Variants in GRID1 observed in about 807,000 individuals in gnomAD.
The protein encoded by GRID1 is glutamate receptor ionotropic, delta-1.
In GRID1, 28 loss-of-function variants were observed where a neutral mutation model predicts 98.0. The ratio of observed to expected loss-of-function variants is 0.29; its 90% confidence interval spans 0.21 to 0.39. The LOEUF (loss-of-function observed/expected upper bound fraction) is 0.39, where lower values mean the gene tolerates loss of function less well. Ranked by LOEUF, GRID1 falls within the 10% of genes least tolerant of loss-of-function variation. GRID1 has a pLI of 1.00. For synonymous variants in GRID1, 553 were observed against 538.5 expected (o/e 1.03, Z -0.37); for missense variants, 1,111 against 1,340.5 (o/e 0.83, Z 2.67).
rs114151000 is a variant in GRID1 at position 85,860,222 on chromosome 10, G to A, written c.952-4032C>T. Among the ~76,000 whole-genome samples the A allele has an allele frequency of 2.5e-3, 377 of 152,328 alleles. 3 individuals are homozygous for A. Among genetic ancestry groups the A allele is most frequent in the African/African-American group, 8.8e-3 (367 of 41,568 alleles). On this transcript the variant is annotated intron_variant, in intron 6 of 15. Coordinates refer to ENST00000327946, the MANE Select transcript of GRID1 (RefSeq NM_017551.3). ...GAGTCCATTAGCAAAGGTAAGGCAA[G>A]CAAGCAGATGCTGTCACTATTTAAA...
At chr10:86,073,332 G>T (rs1250692215) in intron 4 of GRID1, among the ~76,000 whole-genome samples, 1 of 152,200 alleles carries the variant, frequency 6.6e-6, no homozygotes, top group African/African-American at 2.4e-5. Flanking sequence ...GCAGCAGGGG[G>T]ACTGGTGTTT....
At chr10:85,652,761 C>T (rs1840839882) in intron 12 of GRID1, among the ~76,000 whole-genome samples, 1 of 152,128 alleles carries the variant, frequency 6.6e-6, no homozygotes, top group African/African-American at 2.4e-5. Flanking sequence ...TCCCCAGCGC[C>T]CCCCAGCCTC....
intron 12 of GRID1, among the ~76,000 whole-genome samples, chr10:85,652,831 C>A (rs772373869): frequency 6.6e-6 from 1 of 152,090 alleles, no homozygotes; most frequent in Non-Finnish European, 1.5e-5. Flanking sequence ...TTCATTCACT[C>A]GTCATTCAAA....
rs1848657035 is a variant in GRID1 at position 86,365,096 on chromosome 10, G to C, written c.80-1000C>G. Among the ~76,000 whole-genome samples the C allele has an allele frequency of 6.6e-6, 1 of 152,038 alleles. No homozygotes were observed. The highest frequency in any genetic ancestry group is 1.5e-5 in the Non-Finnish European group (1 of 67,986). On this transcript the variant is annotated intron_variant, in intron 1 of 15. Transcript: ENST00000327946. This position sits in a 1 kb window ranked among gnomAD's most constrained non-coding sequence, Gnocchi z 4.8. ...GGCTGGGTAGGAGGAGGGAGGCCCG[G>C]ATTCCTCACTACACCCGGAGCCGGC...
intron 15 of GRID1, among the ~76,000 whole-genome samples, chr10:85,609,920 G>A (rs1590157624): frequency 6.6e-6 from 1 of 152,126 alleles, no homozygotes; most frequent in Non-Finnish European, 1.5e-5. Context: ...ACCTGCATTG[G>A]GTAACTACAT....
chr10:85,713,126 T>C (rs535698886), intron 12 of GRID1, among the ~76,000 whole-genome samples: 10 of 151,486 alleles, frequency 6.6e-5, no homozygotes, highest in Non-Finnish European at 1.3e-4. Context: ...GAAACTAAGA[T>C]TGGCTTTTTT....
intron 2 of GRID1, among the ~76,000 whole-genome samples, chr10:86,339,326 G>C (rs1273265007): frequency 6.6e-6 from 1 of 152,226 alleles, no homozygotes; most frequent in Non-Finnish European, 1.5e-5. Context: ...GCTGGCAGAG[G>C]CCAGGCCAGG....
chr10:86,032,383 AG>A (rs1564655039), intron 4 of GRID1, among the ~76,000 whole-genome samples: 6 of 152,138 alleles, frequency 3.9e-5, no homozygotes. Flanking sequence ...GTCGAGTGTA[AG>A]GGGGGGAAGT....
intron 2 of GRID1, among the ~76,000 whole-genome samples, chr10:86,310,193 G>T (rs564953882): frequency 6.6e-6 from 1 of 152,246 alleles, no homozygotes; most frequent in East Asian, 1.9e-4. Flanking sequence ...ATACCTTCCT[G>T]GCCCCATCCC....
chr10:86,306,588 T>C (rs1173752497), intron 2 of GRID1, among the ~76,000 whole-genome samples: 1 of 152,022 alleles, frequency 6.6e-6, no homozygotes, highest in Non-Finnish European at 1.5e-5. Context: ...TTCCCTCCAA[T>C]CTCTCCCTCC....
chr10:86,061,212 A>G (rs1425192657), intron 4 of GRID1, among the ~76,000 whole-genome samples: 2 of 152,162 alleles, frequency 1.3e-5, no homozygotes, highest in African/African-American at 4.8e-5. Context: ...AGCAGCTCCG[A>G]GCAGCTCCAC....
At chr10:85,842,429 G>A (rs368408719) in intron 8 of GRID1, among the ~76,000 whole-genome samples, 5 of 151,836 alleles carry the variant, frequency 3.3e-5, no homozygotes, top group Admixed American at 6.6e-5. Flanking sequence ...ACACATTTAC[G>A]TATGTAACAA....
chr10:86,300,705 A>G lies in GRID1; in HGVS notation c.235+63236T>C, dbSNP rs1215988518. ...CTATCCAACACTTATGAATGAAGCT[A>G]TGGTAACTGGAGCAGGAGGAAAGAA... On this transcript the variant is annotated intron_variant, in intron 2 of 15. Transcript: ENST00000327946. 2.6e-5 allele frequency among the ~76,000 whole-genome samples: 4 copies of G among 152,208 alleles called. No individual in the cohort carries two copies. The East Asian group carries it at 7.7e-4, about 29-fold the overall frequency.
At chr10:86,007,822 T>TTTATCTA (rs751866615) in intron 4 of GRID1, among the ~76,000 whole-genome samples, 1 of 148,748 alleles carries the variant, frequency 6.7e-6, no homozygotes, top group Non-Finnish European at 1.5e-5. Context: ...TTTTGTGTTT[T>TTTATCTA]TTTATTTATT....
Position 86,300,894 on chromosome 10 carries a change from G to A in GRID1, c.235+63047C>T, listed in dbSNP as rs376720701. Among the ~76,000 whole-genome samples, 3 of 152,210 alleles carry A rather than the reference G, an allele frequency of 2.0e-5. No homozygotes were observed. The South Asian group carries it at 6.2e-4, about 32-fold the overall frequency. The stretch of plus-strand genomic sequence containing the variant: ...GCTAGGAAGAAAAGACAGAAGAGAA[G>A]ACAGAGCTACAGCATCCTGGGGAAT... On this transcript the variant is annotated intron_variant, in intron 2 of 15. Coordinates refer to ENST00000327946, the MANE Select transcript of GRID1 (RefSeq NM_017551.3).
intron 4 of GRID1, among the ~76,000 whole-genome samples, chr10:85,975,457 G>A (rs950838601): frequency 2.0e-5 from 3 of 152,168 alleles, no homozygotes; most frequent in Non-Finnish European, 2.9e-5. Flanking sequence ...CCAAGAGGGC[G>A]ATTGTCCTAA....
chr10:86,141,069 G>A (rs1193775035), intron 3 of GRID1, among the ~76,000 whole-genome samples: 2 of 152,118 alleles, frequency 1.3e-5, no homozygotes, highest in Non-Finnish European at 1.5e-5. Context: ...CAAGGGTCTC[G>A]GTGTTGCTCT....
chr10:85,933,798 C>T (rs977247574), intron 4 of GRID1, among the ~76,000 whole-genome samples: 4 of 152,096 alleles, frequency 2.6e-5, no homozygotes, highest in African/African-American at 4.8e-5. Flanking sequence ...AGAAGAGGTG[C>T]GGAACCATCA....
intron 2 of GRID1, among the ~76,000 whole-genome samples, chr10:86,363,648 G>T (rs74149547): frequency 6.6e-6 from 1 of 151,430 alleles, no homozygotes; most frequent in Non-Finnish European, 1.5e-5. Context: ...ACGCCTGCGC[G>T]GCCAGCGCTG....
Sources: gnomAD v4.1 joint callset for allele counts (sites outside exome capture counted in the v4.1 genomes callset) on GRCh38, gnomAD v4.1.1 for gene constraint, Gnocchi (gnomAD v3.1) non-coding constraint, MANE v1.5 for transcripts, NCBI Gene and HGNC (gene_info 2026-07-23, HGNC 2026-07-21) for gene names.